Variants in TANGO6 observed in about 807,000 individuals in gnomAD.
TANGO6 encodes transport and Golgi organization protein 6 homolog.
In TANGO6, 90 loss-of-function variants were observed where a neutral mutation model predicts 114.2. That is an observed-to-expected ratio of 0.79 (90% confidence interval 0.66 to 0.94). The LOEUF is 0.94. Among genes scored for constraint, TANGO6 ranks in the 40% least tolerant of loss-of-function variants. TANGO6 has a pLI of 0.00. For missense variants in TANGO6, 1,274 were observed against 1,315.3 expected (o/e 0.97, Z 0.49); for synonymous variants, 477 against 509.8 (o/e 0.94, Z 0.87).
At chr16:68,872,327 A>G (rs901580591) in intron 4 of TANGO6, among the ~76,000 whole-genome samples, 8 of 148,264 alleles carry the variant, frequency 5.4e-5, no homozygotes, top group African/African-American at 2.0e-4. Context: ...TTTGAGGCAG[A>G]GTCTTGCTCT....
chr16:68,897,289 C>G (rs1246982439), intron 7 of TANGO6, among the ~76,000 whole-genome samples: 2 of 152,052 alleles, frequency 1.3e-5, no homozygotes. Flanking sequence ...ATTTTTCTTC[C>G]TAGCACTCGT....
intron 16 of TANGO6, among the ~76,000 whole-genome samples, chr16:69,037,012 T>C (rs1477997771): frequency 6.6e-6 from 1 of 150,814 alleles, no homozygotes; most frequent in East Asian, 2.0e-4. Context: ...GGTGCATGCC[T>C]ATAGTCCCAG....
intron 17 of TANGO6, among the ~76,000 whole-genome samples, chr16:69,061,584 T>C (rs1960116572): frequency 6.6e-6 from 1 of 151,758 alleles, no homozygotes; most frequent in African/African-American, 2.4e-5. Context: ...CCATTATATT[T>C]ATATTTATTT....
chr16:68,888,434 G>A (rs1962567132), intron 7 of TANGO6, among the ~76,000 whole-genome samples: 1 of 152,192 alleles, frequency 6.6e-6, no homozygotes, highest in Non-Finnish European at 1.5e-5. Flanking sequence ...CTCGTAAGAG[G>A]ATTGGCTAGA....
chr16:68,919,179 CCATGGGGCTGGTGGCTGT>C lies in TANGO6; in HGVS notation c.2092_2109del (p.Gly698_Met703del), dbSNP rs751594479. ...GTGGAATCACAGACGCTGAGCATGTCCATGGGGCTGGTGGCTGTCATGCTAGGAGGAGCTGTTCAGGTG... is the reference window on the plus strand; with the variant it reads ...GTGGAATCACAGACGCTGAGCATGTCCATGCTAGGAGGAGCTGTTCAGGTG... On this transcript the variant is annotated inframe_deletion, in exon 12 of 18. Coordinates refer to ENST00000261778, the MANE Select transcript of TANGO6 (RefSeq NM_024562.2). 4.3e-6 allele frequency: 7 copies of C among 1,612,750 alleles called. No homozygotes were observed. Among genetic ancestry groups the C allele is most frequent in the Non-Finnish European group, 5.9e-6 (7 of 1,179,484 alleles).
At chr16:68,937,677 A>G (rs1050850898) in intron 14 of TANGO6, 1 of 152,130 alleles carries the variant, frequency 6.6e-6, no homozygotes, top group Non-Finnish European at 1.5e-5. Context: ...TCACTTTAGC[A>G]TAATGTTTTT....
At chr16:69,013,803 T>C (rs1387074995) in intron 15 of TANGO6, among the ~76,000 whole-genome samples, 1 of 151,928 alleles carries the variant, frequency 6.6e-6, no homozygotes, top group African/African-American at 2.4e-5. Flanking sequence ...ACCACAGGCA[T>C]GTGCCACCAT....
rs368116156 is a variant in TANGO6, at chr16:68,942,774, CTTT to C, written c.2701+12482_2701+12484del. 6.3e-3 allele frequency among the ~76,000 whole-genome samples: 955 copies of C among 152,204 alleles called. 15 individuals are homozygous for C. The highest frequency in any genetic ancestry group is 0.022 in the African/African-American group (912 of 41,534). ...GAAGGAGAGAGTTATCATCTCAGGC[CTTT>C]TTAAGGGGAGAAAATGCTAAATGCA... is the stretch of plus-strand genomic sequence containing the variant. On this transcript the variant is annotated intron_variant, in intron 14 of 17. Coordinates refer to ENST00000261778, the MANE Select transcript of TANGO6 (RefSeq NM_024562.2).
intron 14 of TANGO6, among the ~76,000 whole-genome samples, chr16:68,959,586 CAAAAT>C (rs531667808): frequency 2.0e-5 from 3 of 151,934 alleles, no homozygotes; most frequent in East Asian, 3.9e-4. Flanking sequence ...GACTCCATCT[CAAAAT>C]AAAATAAAAT....
At chr16:68,882,348 T>G (rs1180568962) in intron 7 of TANGO6, among the ~76,000 whole-genome samples, 1 of 151,640 alleles carries the variant, frequency 6.6e-6, no homozygotes, top group African/African-American at 2.4e-5. Flanking sequence ...TATAAAAAAA[T>G]TAGCCGGGCG....
At position 68,927,653 on chromosome 16, in the gene TANGO6, A is replaced by G. The variant is rs1963184328; in HGVS notation, c.2213A>G (p.Gln738Arg). The change falls in exon 13 of 18, where the codon CAA becomes CGA. Residue 738 changes from glutamine (Q) to arginine (R), a missense_variant. Transcript: ENST00000261778. ...VSNTYPDPVI[Q>R]ELAVDLRITI... is the part of the protein sequence containing the mutation. ...AACACATACCCTGATCCGGTCATCCAAGAACTCGCTGTTGATCTCCGCATC... is the reference window on the plus strand; with the variant it reads ...AACACATACCCTGATCCGGTCATCCGAGAACTCGCTGTTGATCTCCGCATC... 4 of 1,614,036 alleles carry G rather than the reference A, an allele frequency of 2.5e-6. No homozygotes were observed. In the East Asian group the frequency reaches 8.9e-5, roughly 36 times the overall value.
intron 15 of TANGO6, among the ~76,000 whole-genome samples, chr16:68,980,433 ATAT>A (rs1472689528): frequency 1.8e-3 from 143 of 80,744 alleles, no homozygotes; most frequent in African/African-American, 7.0e-3. Flanking sequence ...ATATATATAT[ATAT>A]TTTTTTTTTT....
chr16:69,045,080 C>T (rs899999959), intron 17 of TANGO6, among the ~76,000 whole-genome samples: 2 of 148,338 alleles, frequency 1.3e-5, no homozygotes, highest in African/African-American at 2.5e-5. Context: ...TTGTTTGAAC[C>T]GGGAGGCAAA....
At chr16:68,866,395 G>T (rs943508238) in intron 3 of TANGO6, among the ~76,000 whole-genome samples, 1 of 151,132 alleles carries the variant, frequency 6.6e-6, no homozygotes, top group Non-Finnish European at 1.5e-5. Flanking sequence ...AGGCCGAGGC[G>T]GGTGGATCAT....
At chr16:69,027,575 G>A (rs975120531) in intron 16 of TANGO6, among the ~76,000 whole-genome samples, 6 of 151,966 alleles carry the variant, frequency 3.9e-5, no homozygotes, top group African/African-American at 1.5e-4. Flanking sequence ...TTATTAAATT[G>A]TAACCTTAAG....
At chr16:68,987,057 G>T (rs368249492) in intron 15 of TANGO6, among the ~76,000 whole-genome samples, 7 of 152,232 alleles carry the variant, frequency 4.6e-5, no homozygotes, top group East Asian at 3.9e-4. Flanking sequence ...TTAAGATGAG[G>T]GAGAAAGTTT....
intron 4 of TANGO6, among the ~76,000 whole-genome samples, chr16:68,871,784 TA>T (rs1197524619): frequency 1.3e-5 from 2 of 152,046 alleles, no homozygotes; most frequent in Middle Eastern, 3.2e-3. Flanking sequence ...CACACCCAAC[TA>T]ATTTTTGTAT....
At chr16:68,980,496 T>C (rs1175932663) in intron 15 of TANGO6, among the ~76,000 whole-genome samples, 1 of 147,032 alleles carries the variant, frequency 6.8e-6, no homozygotes, top group East Asian at 2.0e-4. Flanking sequence ...CTTGAACTCC[T>C]GGGCTCAAGC....
intron 17 of TANGO6, among the ~76,000 whole-genome samples, chr16:69,074,010 G>A (rs1391828179): frequency 2.0e-5 from 3 of 150,778 alleles, no homozygotes; most frequent in African/African-American, 7.3e-5. Flanking sequence ...TCAGGCCCCC[G>A]ACCTAGGAGA....
Sources: allele counts gnomAD v4.1 joint callset (sites outside exome capture counted in the v4.1 genomes callset), GRCh38; gene constraint gnomAD v4.1.1; transcripts MANE v1.5; gene names NCBI Gene and HGNC (gene_info 2026-07-23, HGNC 2026-07-21).